UVRAG: variants seen among roughly 807,000 people sequenced by gnomAD.
The protein encoded by UVRAG is UV radiation resistance-associated gene protein.
A neutral mutation model predicts 78.0 loss-of-function variants in UVRAG; 19 were observed. That is an observed-to-expected ratio of 0.24 (90% confidence interval 0.17 to 0.36). The LOEUF is 0.36. Among genes scored for constraint, UVRAG ranks in the 10% least tolerant of loss-of-function variants. UVRAG has a pLI of 1.00. For missense variants in UVRAG, 740 were observed against 853.8 expected (o/e 0.87, Z 1.66); for synonymous variants, 323 against 324.6 (o/e 1.00, Z 0.05).
chr11:75,931,932 C>A (rs1483814383), intron 6 of UVRAG, among the ~76,000 whole-genome samples: 1 of 152,090 alleles, frequency 6.6e-6, no homozygotes, highest in African/African-American at 2.4e-5. Context: ...AGACAAATAC[C>A]CTTCATAATA....
chr11:75,939,888 A>G (rs577041670), intron 6 of UVRAG, among the ~76,000 whole-genome samples: 22 of 152,330 alleles, frequency 1.4e-4, no homozygotes, highest in African/African-American at 4.8e-4. Context: ...AAAACTGCCA[A>G]TACAGAAGGA....
intron 7 of UVRAG, among the ~76,000 whole-genome samples, chr11:75,978,927 A>G (rs74609396): frequency 3.3e-5 from 5 of 152,226 alleles, no homozygotes; most frequent in African/African-American, 1.2e-4. Flanking sequence ...AAGGAGCTGC[A>G]TTCCTTTGGA....
intron 12 of UVRAG, among the ~76,000 whole-genome samples, chr11:76,040,274 C>G (rs1484217348): frequency 6.6e-6 from 1 of 151,736 alleles, no homozygotes; most frequent in Non-Finnish European, 1.5e-5. Context: ...GAGATCGAGA[C>G]CATCCTGGCT....
chr11:75,823,075 G>C (rs1485902735), intron 1 of UVRAG, among the ~76,000 whole-genome samples: 1 of 152,076 alleles, frequency 6.6e-6, no homozygotes, highest in Admixed American at 6.6e-5. Flanking sequence ...CTGGAACTGG[G>C]GTCAAAGACC....
Position 75,945,163 on chromosome 11 carries a change from G to GA in UVRAG, c.594-16278dup, listed in dbSNP as rs1379374399. 2.6e-5 allele frequency among the ~76,000 whole-genome samples: 4 copies of GA among 152,084 alleles called. No homozygotes were observed. In the East Asian group the frequency reaches 5.8e-4, roughly 22 times the overall value. Reference sequence around the variant, plus strand: ...AGCATCTGAGAAAAATAGAATCAGAGAAATCTTAAAATAATCATTTTTAAT... The same window carrying GA: ...AGCATCTGAGAAAAATAGAATCAGAGAAAATCTTAAAATAATCATTTTTAAT... On this transcript the variant is annotated intron_variant, in intron 6 of 14. Coordinates refer to ENST00000356136, the MANE Select transcript of UVRAG (RefSeq NM_003369.4).
intron 6 of UVRAG, among the ~76,000 whole-genome samples, chr11:75,938,136 C>CT (rs151146347): frequency 6.8e-4 from 100 of 146,260 alleles, no homozygotes; most frequent in South Asian, 4.5e-3. Flanking sequence ...TCATGATTTC[C>CT]TTTTTTTTTT....
chr11:75,870,933 G>A (rs1001662436), intron 3 of UVRAG, among the ~76,000 whole-genome samples: 2 of 151,660 alleles, frequency 1.3e-5, no homozygotes, highest in Non-Finnish European at 2.9e-5. Context: ...GCAATGGCGC[G>A]ATCCCGGCTC....
At chr11:75,832,174 C>A (rs973537332) in intron 1 of UVRAG, among the ~76,000 whole-genome samples, 1 of 152,176 alleles carries the variant, frequency 6.6e-6, no homozygotes, top group Non-Finnish European at 1.5e-5. Flanking sequence ...GGGTTTTCCC[C>A]CCAACATCAA....
intron 6 of UVRAG, among the ~76,000 whole-genome samples, chr11:75,945,922 G>C (rs1037805833): frequency 6.6e-6 from 1 of 151,810 alleles, no homozygotes; most frequent in Non-Finnish European, 1.5e-5. Flanking sequence ...GCTTCCACTT[G>C]ACCCCGTCCC....
chr11:75,891,733 G>A (rs74347510), intron 5 of UVRAG, among the ~76,000 whole-genome samples: 2,810 of 152,230 alleles, frequency 0.018, 80 homozygotes, highest in African/African-American at 0.063. Flanking sequence ...AACGTAGCAA[G>A]ACCTTGTCTG....
chr11:75,890,058 A>G (rs1947181620), intron 5 of UVRAG, among the ~76,000 whole-genome samples: 1 of 152,188 alleles, frequency 6.6e-6, no homozygotes, highest in South Asian at 2.1e-4. Flanking sequence ...AGGGAACATG[A>G]TGAGTTTTAG....
chr11:75,843,935 G>A (rs1030076392), intron 1 of UVRAG, among the ~76,000 whole-genome samples: 1 of 150,820 alleles, frequency 6.6e-6, no homozygotes, highest in Non-Finnish European at 1.5e-5. Context: ...CTCCAGCCTG[G>A]GTGACAGAGC....
intron 3 of UVRAG, among the ~76,000 whole-genome samples, chr11:75,871,526 C>T (rs537832818): frequency 5.5e-4 from 83 of 151,908 alleles, no homozygotes; most frequent in African/African-American, 1.5e-3. Flanking sequence ...TCAAGTGATC[C>T]GCCCACCTTG....
intron 7 of UVRAG, among the ~76,000 whole-genome samples, chr11:75,965,804 C>G (rs1044694807): frequency 9.9e-5 from 15 of 152,024 alleles, no homozygotes; most frequent in African/African-American, 3.6e-4. Flanking sequence ...TTAACTTATT[C>G]ATTATGCTAG....
At position 75,963,595 on chromosome 11, in the gene UVRAG, T is replaced by C. The variant is rs549979714; in HGVS notation, c.699+2046T>C. On this transcript the variant is annotated intron_variant, in intron 7 of 14. Transcript: ENST00000356136. Reference sequence around the variant, plus strand: ...TTAAGAAATCATTTTCATTTTAACCTACGTAAAAATGCAGCAAAGAAGGCA... The same window carrying C: ...TTAAGAAATCATTTTCATTTTAACCCACGTAAAAATGCAGCAAAGAAGGCA... Among the ~76,000 whole-genome samples the C allele has an allele frequency of 9.8e-5, 15 of 152,328 alleles. No homozygotes were observed. The South Asian group carries it at 2.1e-3, about 21-fold the overall frequency.
rs191465207 is a variant in UVRAG, at chr11:76,109,610, T to A, written c.1306-6314T>A. The stretch of plus-strand genomic sequence containing the variant: ...TAGGCTGTGAGTCCAGGCCTCTCAT[T>A]CCAAAGACAGAGAGCTGATTCACAT... On this transcript the variant is annotated intron_variant, in intron 13 of 14. Coordinates refer to ENST00000356136, the MANE Select transcript of UVRAG (RefSeq NM_003369.4). 5.9e-5 allele frequency among the ~76,000 whole-genome samples: 9 copies of A among 152,312 alleles called. No homozygotes were observed. In the East Asian group the frequency reaches 1.4e-3, roughly 23 times the overall value.
At chr11:76,115,876 C>T in intron 13 of UVRAG, 48 bp from the exon 14 acceptor site, 1 of 1,570,834 alleles carries the variant, frequency 6.4e-7, no homozygotes, top group Non-Finnish European at 8.7e-7. Context: ...TTTTCCGAAG[C>T]TTATAATCTG....
At chr11:75,977,971 T>C (rs1949287761) in intron 7 of UVRAG, among the ~76,000 whole-genome samples, 1 of 152,248 alleles carries the variant, frequency 6.6e-6, no homozygotes, top group African/African-American at 2.4e-5. Context: ...GCATCGATGA[T>C]CTTTACAATT....
At chr11:75,977,059 G>C (rs1485531398) in intron 7 of UVRAG, among the ~76,000 whole-genome samples, 1 of 152,158 alleles carries the variant, frequency 6.6e-6, no homozygotes, top group Non-Finnish European at 1.5e-5. Flanking sequence ...AGAGATTCTG[G>C]TATGTTGTGT....
Sources: gnomAD v4.1 joint callset for allele counts (sites outside exome capture counted in the v4.1 genomes callset) on GRCh38, gnomAD v4.1.1 for gene constraint, MANE v1.5 for transcripts, NCBI Gene and HGNC (gene_info 2026-07-23, HGNC 2026-07-21) for gene names.